The following KIAA1671 variants were observed in gnomAD, a reference collection of about 807,000 sequenced individuals.
KIAA1671 encodes KIAA1671.
Under a neutral mutation model 131.2 loss-of-function variants are expected in KIAA1671, and 52 were observed. The observed-to-expected ratio is 0.40, with a 90% CI of 0.32 to 0.50. KIAA1671 has a LOEUF of 0.50. Among genes scored for constraint, KIAA1671 ranks in the 20% least tolerant of loss-of-function variants. The probability of loss-of-function intolerance (pLI) is 0.73; values close to 1 mark genes in which losing one functional copy is unlikely to be tolerated. For missense variants in KIAA1671, 2,360 were observed against 2,364.2 expected (o/e 1.00, Z 0.04); for synonymous variants, 1,003 against 961.6 (o/e 1.04, Z -0.80).
chr22:25,040,934 A>C lies in KIAA1671; in HGVS notation c.3804A>C (p.Ile1268=). The C allele has an allele frequency of 6.7e-7, 1 of 1,488,124 alleles. No individual in the cohort carries two copies. Among genetic ancestry groups the C allele is most frequent in the East Asian group, 2.5e-5 (1 of 40,436 alleles). The allele number at this position is 1,488,124 out of a possible 1,614,324, so 92.2% of individuals were successfully genotyped here. Residue 1268 remains isoleucine (I), a synonymous_variant, in exon 5 of 13, where the codon ATA becomes ATC. Transcript: ENST00000358431. ...GGAAACCGGCCAGTTCTGCCGAAAT[A>C]AATCACAGTTTCACTCCTGGCTTAG... is the stretch of plus-strand genomic sequence containing the variant. ...GLWKPASSAE[I]NHSFTPGLGK... is the part of the protein sequence containing the mutation.
intron 6 of KIAA1671, among the ~76,000 whole-genome samples, chr22:25,079,438 C>T (rs761356516): frequency 3.9e-5 from 6 of 151,996 alleles, no homozygotes; most frequent in Non-Finnish European, 8.8e-5. Context: ...TGTGTAAGAA[C>T]GTTGTATAGT....
At chr22:25,188,574 T>C (rs1568999548) in intron 11 of KIAA1671, among the ~76,000 whole-genome samples, 1 of 152,058 alleles carries the variant, frequency 6.6e-6, no homozygotes, top group Non-Finnish European at 1.5e-5. Context: ...CATGTAGCTT[T>C]TGACTTTCTA....
intron 10 of KIAA1671, 100 bp from the exon 11 acceptor site, chr22:25,184,877 G>A (rs567449371): frequency 6.3e-5 from 89 of 1,417,868 alleles, no homozygotes; most frequent in African/African-American, 5.1e-4. Context: ...AGGGGGCCCC[G>A]AGTGTTTGCA....
chr22:24,965,736 A>C (rs1260626889), intron 1 of KIAA1671, among the ~76,000 whole-genome samples: 2 of 144,832 alleles, frequency 1.4e-5, no homozygotes, highest in Non-Finnish European at 3.0e-5. Context: ...GTGAAACTCC[A>C]TCTCAAAAAA....
chr22:24,989,367 T>C (rs886967160), intron 1 of KIAA1671, among the ~76,000 whole-genome samples: 1 of 152,168 alleles, frequency 6.6e-6, no homozygotes, highest in Non-Finnish European at 1.5e-5. Flanking sequence ...CTCCTCTTCA[T>C]TGAGGTCTCA....
At chr22:25,056,386 A>C (rs1425554525) in intron 6 of KIAA1671, 3 of 149,410 alleles carry the variant, frequency 2.0e-5, no homozygotes, top group Admixed American at 2.0e-4. Flanking sequence ...AAAAGAGCTC[A>C]TATCCTAAGC....
chr22:25,039,377 A>G lies in KIAA1671; in HGVS notation c.2247A>G (p.Ser749=), dbSNP rs1602089349. 3 of 1,551,828 alleles carry G rather than the reference A, an allele frequency of 1.9e-6. No homozygotes were observed. The highest frequency in any genetic ancestry group is 2.6e-6 in the Non-Finnish European group (3 of 1,147,028). The change falls in exon 5 of 13, where the codon TCA becomes TCG. Residue 749 remains serine, a synonymous_variant. Transcript: ENST00000358431. ...AGCGTGTGCACAGCGAGGCCATCTC[A>G]CCGGCACCGGAGGAGAAAGCGGTCA... The part of the protein sequence containing the change: ...VGERVHSEAI[S]PAPEEKAVTL...
intron 6 of KIAA1671, among the ~76,000 whole-genome samples, chr22:25,086,317 GA>G (rs1364554739): frequency 6.6e-6 from 1 of 152,210 alleles, no homozygotes; most frequent in Non-Finnish European, 1.5e-5. Context: ...GTGGGTGAGT[GA>G]AAAAGTGGTT....
At chr22:25,026,244 C>T (rs900314651) in intron 2 of KIAA1671, among the ~76,000 whole-genome samples, 2 of 151,910 alleles carry the variant, frequency 1.3e-5, no homozygotes, top group African/African-American at 4.8e-5. Flanking sequence ...TGTGGGGCCC[C>T]AAGGAAGGGA....
At chr22:25,097,193 A>G (rs1930432066) in intron 6 of KIAA1671, among the ~76,000 whole-genome samples, 1 of 152,162 alleles carries the variant, frequency 6.6e-6, no homozygotes, top group South Asian at 2.1e-4. Context: ...AAACTGCCAA[A>G]CCCTGTCAAA....
At chr22:25,125,982 G>A (rs577009549) in intron 6 of KIAA1671, among the ~76,000 whole-genome samples, 30 of 152,310 alleles carry the variant, frequency 2.0e-4, no homozygotes, top group Non-Finnish European at 1.8e-4. Flanking sequence ...ACAAAGTGGC[G>A]CAAACAATAT....
At chr22:25,163,293 C>T (rs1933512487) in intron 6 of KIAA1671, among the ~76,000 whole-genome samples, 1 of 144,598 alleles carries the variant, frequency 6.9e-6, no homozygotes, top group Non-Finnish European at 1.5e-5. Context: ...AGTGTCACTG[C>T]ACTCCAGCCT....
At chr22:25,106,331 G>T (rs1931004622) in intron 6 of KIAA1671, among the ~76,000 whole-genome samples, 2 of 152,198 alleles carry the variant, frequency 1.3e-5, no homozygotes, top group Non-Finnish European at 1.5e-5. Context: ...TTGGCTGTGG[G>T]CATCTGGACA....
At chr22:25,105,707 G>A (rs1008832548) in intron 6 of KIAA1671, among the ~76,000 whole-genome samples, 3 of 151,966 alleles carry the variant, frequency 2.0e-5, no homozygotes, top group East Asian at 1.9e-4. Context: ...CTGGAAGGAG[G>A]CAGAACTGGA....
chr22:24,978,748 A>G (rs1237042786), intron 1 of KIAA1671, among the ~76,000 whole-genome samples: 2 of 152,112 alleles, frequency 1.3e-5, no homozygotes, highest in Admixed American at 6.5e-5. Context: ...CAGTGGTGCA[A>G]TCTTGGCTCA....
chr22:25,122,560 A>G (rs2145930576), intron 6 of KIAA1671, among the ~76,000 whole-genome samples: 1 of 152,322 alleles, frequency 6.6e-6, no homozygotes, highest in East Asian at 1.9e-4. Flanking sequence ...GAACACTGCC[A>G]CTTCAATAAA....
At chr22:25,016,209 T>C (rs141955967) in intron 1 of KIAA1671, among the ~76,000 whole-genome samples, 1 of 151,956 alleles carries the variant, frequency 6.6e-6, no homozygotes. Context: ...TTAGTACAGA[T>C]GGGGTTTCAT....
rs369085704 is a variant in KIAA1671 at position 24,957,634 on chromosome 22, G to A, written c.-208+4862G>A. Among the ~76,000 whole-genome samples, 32 of 150,414 alleles carry A rather than the reference G, an allele frequency of 2.1e-4. No individual in the cohort carries two copies. In the South Asian group the frequency reaches 6.4e-3, roughly 30 times the overall value. On this transcript the variant is annotated intron_variant, in intron 1 of 12. Transcript: ENST00000358431. ...AAAGCACATAGTGCATCAGAGCTGC[G>A]CTGTTATGCCAGAATCTGGGCTAAG...
intron 6 of KIAA1671, among the ~76,000 whole-genome samples, chr22:25,073,455 A>T (rs1238496524): frequency 6.6e-6 from 1 of 152,246 alleles, no homozygotes; most frequent in Admixed American, 6.5e-5. Flanking sequence ...ATACATATAC[A>T]TAGTGAAATT....
Sources: allele counts gnomAD v4.1 joint callset (sites outside exome capture counted in the v4.1 genomes callset), GRCh38; gene constraint gnomAD v4.1.1; transcripts MANE v1.5; gene names NCBI Gene and HGNC (gene_info 2026-07-23, HGNC 2026-07-21).